RAB2A: variants seen among roughly 807,000 people sequenced by gnomAD.
RAB2A encodes RAB2A, member RAS oncogene family.
RAB2A carries 7 observed loss-of-function variants against 32.5 expected under a neutral mutation model. That is an observed-to-expected ratio of 0.22 (90% CI 0.12 to 0.40). RAB2A has a LOEUF of 0.40. Ranked by LOEUF, RAB2A falls within the 10% of genes least tolerant of loss-of-function variation. The pLI, the probability that RAB2A is intolerant of heterozygous loss-of-function variation, is 1.00. For synonymous variants in RAB2A, 79 were observed against 85.2 expected (o/e 0.93, Z 0.40); for missense variants, 108 against 260.7 (o/e 0.41, Z 4.03).
intron 1 of RAB2A, among the ~76,000 whole-genome samples, chr8:60,555,338 C>T (rs1228533821): frequency 6.6e-6 from 1 of 151,904 alleles, no homozygotes; most frequent in Non-Finnish European, 1.5e-5. Flanking sequence ...TTCAAAAGCA[C>T]AAAAAGCAAA....
chr8:60,517,148 C>T lies in RAB2A; in HGVS notation c.-60C>T. ...GCTGAGCGGCACCGGGGTTGGGGCG[C>T]GGAGGAGGAGCAGCAGCGGGAGGAG... On this transcript the variant is annotated 5_prime_UTR_variant, in exon 1 of 8. Coordinates refer to ENST00000262646, the MANE Select transcript of RAB2A (RefSeq NM_002865.3). 1.4e-6 allele frequency: 2 copies of T among 1,453,400 alleles called. No homozygotes were observed. The highest frequency in any genetic ancestry group is 1.8e-6 in the Non-Finnish European group (2 of 1,096,744). The allele number at this position is 1,453,400 out of a possible 1,614,324, so 90.0% of individuals were successfully genotyped here. A position where few individuals can be genotyped will look rare whatever the true frequency, so the allele number is the denominator to read the frequency against.
intron 1 of RAB2A, among the ~76,000 whole-genome samples, chr8:60,526,724 C>T (rs1460581428): frequency 6.6e-6 from 1 of 152,142 alleles, no homozygotes; most frequent in Non-Finnish European, 1.5e-5. Context: ...AATCCTAGCA[C>T]TTTGGAGGCT....
At chr8:60,540,575 G>T (rs1329846906) in intron 1 of RAB2A, among the ~76,000 whole-genome samples, 1 of 152,162 alleles carries the variant, frequency 6.6e-6, no homozygotes, top group East Asian at 1.9e-4. Context: ...TGCCTCACAG[G>T]TTTAAGCGAT....
intron 1 of RAB2A, chr8:60,552,009 T>TG (rs1563467435): frequency 2.8e-4 from 32 of 115,406 alleles, no homozygotes; most frequent in African/African-American, 8.9e-4. Flanking sequence ...GAGTTTTTTT[T>TG]TTTTTTTTTT....
At chr8:60,535,702 C>A (rs952484180) in intron 1 of RAB2A, among the ~76,000 whole-genome samples, 2 of 152,086 alleles carry the variant, frequency 1.3e-5, no homozygotes, top group African/African-American at 4.8e-5. Flanking sequence ...TGAAAATGGG[C>A]AAAATGAAGG....
chr8:60,620,578 A>T (rs1237324082), intron 7 of RAB2A, 96 bp from the exon 8 acceptor site: 24 of 895,152 alleles, frequency 2.7e-5, no homozygotes, highest in Non-Finnish European at 4.1e-5. Flanking sequence ...CAGTTGTTTG[A>T]TAAAATTGTA....
chr8:60,572,699 T>C (rs1178368613), intron 3 of RAB2A, among the ~76,000 whole-genome samples: 1 of 152,190 alleles, frequency 6.6e-6, no homozygotes, highest in African/African-American at 2.4e-5. Flanking sequence ...ATTATATACA[T>C]TGGGTGCCTT....
At position 60,620,718 on chromosome 8, in the gene RAB2A, A is replaced by G. The variant is rs1240128185; in HGVS notation, c.588A>G (p.Ala196=). 5.0e-6 allele frequency: 8 copies of G among 1,613,936 alleles called. No homozygotes were observed. Among genetic ancestry groups the G allele is most frequent in the Non-Finnish European group, 5.9e-6 (7 of 1,179,980 alleles). The change falls in exon 8 of 8, where the codon GCA becomes GCG. Residue 196 remains alanine, a synonymous_variant. Transcript: ENST00000262646. ...GCCCTCAGCATGCTGCTACCAATGC[A>G]ACACATGCAGGCAATCAGGGAGGAC... ...KIGPQHAATN[A]THAGNQGGQQ...
At chr8:60,601,828 T>C (rs1804139062) in intron 6 of RAB2A, among the ~76,000 whole-genome samples, 1 of 152,242 alleles carries the variant, frequency 6.6e-6, no homozygotes, top group Admixed American at 6.5e-5. Flanking sequence ...TTCTACATCA[T>C]GTATATCAAA....
intron 5 of RAB2A, among the ~76,000 whole-genome samples, 195 bp downstream of exon 5, chr8:60,585,010 T>C (rs1668526553): frequency 6.6e-6 from 1 of 152,218 alleles, no homozygotes; most frequent in Admixed American, 6.5e-5. Flanking sequence ...ACTGTTATTA[T>C]TAGAAATAGT....
intron 6 of RAB2A, among the ~76,000 whole-genome samples, chr8:60,602,477 G>C (rs1563483929): frequency 6.6e-6 from 1 of 152,116 alleles, no homozygotes; most frequent in Non-Finnish European, 1.5e-5. Context: ...CAAGTATTTA[G>C]TTTATTTGGG....
intron 1 of RAB2A, among the ~76,000 whole-genome samples, chr8:60,527,864 TA>T (rs1807416669): frequency 6.6e-6 from 1 of 152,208 alleles, no homozygotes; most frequent in Admixed American, 6.5e-5. Flanking sequence ...CAACTGCTTT[TA>T]TAGGGCATTT....
chr8:60,610,099 G>A (rs1361056432), intron 6 of RAB2A, among the ~76,000 whole-genome samples: 2 of 151,828 alleles, frequency 1.3e-5, no homozygotes, highest in African/African-American at 4.8e-5. Context: ...CATAATGGCA[G>A]GCTAGGTAAA....
chr8:60,558,010 C>T (rs538770516), intron 1 of RAB2A, among the ~76,000 whole-genome samples: 1 of 152,296 alleles, frequency 6.6e-6, no homozygotes, highest in East Asian at 1.9e-4. Flanking sequence ...TACACAGGAA[C>T]CATGTTGGTT....
intron 1 of RAB2A, among the ~76,000 whole-genome samples, chr8:60,540,516 G>A (rs1263047495): frequency 1.3e-5 from 2 of 151,974 alleles, no homozygotes; most frequent in Non-Finnish European, 2.9e-5. Flanking sequence ...GTCTCTCTCC[G>A]TCGCTCAGGC....
chr8:60,596,123 C>T (rs1804018179), intron 6 of RAB2A, among the ~76,000 whole-genome samples: 1 of 152,124 alleles, frequency 6.6e-6, no homozygotes, highest in African/African-American at 2.4e-5. Context: ...AAGTCTCTTC[C>T]TTATACGTTA....
intron 1 of RAB2A, among the ~76,000 whole-genome samples, chr8:60,535,848 G>A (rs1807548467): frequency 6.6e-6 from 1 of 152,084 alleles, no homozygotes; most frequent in African/African-American, 2.4e-5. Context: ...CCTTGATATT[G>A]CAGCACTTTT....
At chr8:60,516,952 C>CGCGGAGGCGGG (rs1301396529), upstream of RAB2A, 52 of 380,220 alleles carry the variant, frequency 1.4e-4, no homozygotes, top group African/African-American at 9.2e-4. Context: ...TCCGGGTCGG[C>CGCGGAGGCGGG]GCGGAGGCGG....
At chr8:60,566,851 G>C (rs1808122183) in intron 2 of RAB2A, among the ~76,000 whole-genome samples, 2 of 152,076 alleles carry the variant, frequency 1.3e-5, no homozygotes, top group Non-Finnish European at 2.9e-5. Context: ...TTATAAGCAA[G>C]AACACGCAGT....
Sources: allele counts gnomAD v4.1 joint callset (sites outside exome capture counted in the v4.1 genomes callset), GRCh38; gene constraint gnomAD v4.1.1; transcripts MANE v1.5; gene names NCBI Gene and HGNC (gene_info 2026-07-23, HGNC 2026-07-21).